Variants in GRIK4 observed in about 807,000 individuals in gnomAD.
GRIK4 encodes the protein glutamate receptor ionotropic, kainate 4.
Under a neutral mutation model 104.9 loss-of-function variants are expected in GRIK4, and 40 were observed. That is an observed-to-expected ratio of 0.38 (90% CI 0.30 to 0.50). The LOEUF is 0.50. Ranked by LOEUF, GRIK4 falls within the 20% of genes least tolerant of loss-of-function variation. GRIK4 has a pLI of 0.93. For missense variants in GRIK4, 1,047 were observed against 1,308.1 expected (o/e 0.80, Z 3.08); for synonymous variants, 485 against 524.9 (o/e 0.92, Z 1.04).
At chr11:120,538,347 A>G (rs1947999667) in intron 1 of GRIK4, among the ~76,000 whole-genome samples, 1 of 152,136 alleles carries the variant, frequency 6.6e-6, no homozygotes, top group Non-Finnish European at 1.5e-5. Context: ...CAGGGAACTC[A>G]AAAATGTCCA....
At position 120,953,053 on chromosome 11, in the gene GRIK4, G is replaced by A. The variant is rs995257624; in HGVS notation, c.1700+89G>A. ...TGGGGAGGGGGTGGGGAGGAGGAGA[G>A]GGGGAGGAGGAGTTGGGAAGATCTT... On this transcript the variant is annotated intron_variant, in intron 15 of 20. Coordinates refer to ENST00000527524, the MANE Select transcript of GRIK4 (RefSeq NM_014619.5). The surrounding 1 kb of genome is among the most constrained non-coding windows in gnomAD (Gnocchi z 4.9). 15 of 802,998 alleles carry A rather than the reference G, an allele frequency of 1.9e-5. 2 individuals carry two copies. Among genetic ancestry groups the A allele is most frequent in the South Asian group, 7.7e-5 (5 of 65,016 alleles). 49.7% of individuals were successfully genotyped at this position (802,998 alleles called of 1,614,324 possible).
At chr11:120,854,883 G>T (rs1343724957) in intron 8 of GRIK4, among the ~76,000 whole-genome samples, 2 of 152,144 alleles carry the variant, frequency 1.3e-5, no homozygotes, top group African/African-American at 2.4e-5. Flanking sequence ...TTTTTGGAAT[G>T]TGGGCTTTCA....
intron 2 of GRIK4, among the ~76,000 whole-genome samples, chr11:120,659,151 G>A (rs1002975442): frequency 2.6e-5 from 4 of 152,080 alleles, no homozygotes; most frequent in Non-Finnish European, 4.4e-5. Flanking sequence ...GCTGGCTGTC[G>A]GCAGAATCTG....
chr11:120,700,992 T>G (rs1295328394), intron 3 of GRIK4, among the ~76,000 whole-genome samples: 1 of 152,232 alleles, frequency 6.6e-6, no homozygotes, highest in Non-Finnish European at 1.5e-5. Flanking sequence ...TTCAGTACAG[T>G]TACATGCTGT....
intron 13 of GRIK4, among the ~76,000 whole-genome samples, chr11:120,909,382 A>G (rs561428939): frequency 6.6e-6 from 1 of 152,350 alleles, no homozygotes; most frequent in South Asian, 2.1e-4. Flanking sequence ...AAAGAATAAA[A>G]TTAGGCCAAT....
At chr11:120,782,781 G>A (rs1952184520) in intron 3 of GRIK4, among the ~76,000 whole-genome samples, 1 of 152,130 alleles carries the variant, frequency 6.6e-6, no homozygotes, top group Non-Finnish European at 1.5e-5. Flanking sequence ...AAGGGTCCAC[G>A]CCGGTGGTTC....
chr11:120,634,508 G>A (rs531988048), intron 1 of GRIK4, among the ~76,000 whole-genome samples: 3 of 152,116 alleles, frequency 2.0e-5, no homozygotes, highest in Non-Finnish European at 2.9e-5. Context: ...CCAGGGCCTC[G>A]CCTTGGCCTT....
intron 1 of GRIK4, among the ~76,000 whole-genome samples, chr11:120,639,402 C>T (rs1163855953): frequency 1.3e-5 from 2 of 152,120 alleles, no homozygotes; most frequent in African/African-American, 2.4e-5. Flanking sequence ...CTCTTCATCT[C>T]GCTACACACA....
At chr11:120,652,511 C>T (rs1250647454) in intron 1 of GRIK4, among the ~76,000 whole-genome samples, 2 of 152,224 alleles carry the variant, frequency 1.3e-5, no homozygotes, top group Non-Finnish European at 2.9e-5. Context: ...CATGGCCACC[C>T]CCTACCCCTG....
At position 120,571,251 on chromosome 11, in the gene GRIK4, G is replaced by A. The variant is rs534767435; in HGVS notation, c.-159+59364G>A. ...GTTTACTCCATTGTTTTGATGGAGC[G>A]TGCTCTCCAGGAGTTTTCTCAGATT... On this transcript the variant is annotated intron_variant, in intron 1 of 20. Coordinates refer to ENST00000527524, the MANE Select transcript of GRIK4 (RefSeq NM_014619.5). Among the ~76,000 whole-genome samples, 32 of 152,222 alleles carry A rather than the reference G, an allele frequency of 2.1e-4. 1 individual carries two copies. The highest frequency in any genetic ancestry group is 1.2e-3 in the South Asian group (6 of 4,812).
chr11:120,666,881 T>C (rs1344283356), intron 3 of GRIK4, among the ~76,000 whole-genome samples: 1 of 152,216 alleles, frequency 6.6e-6, no homozygotes, highest in African/African-American at 2.4e-5. Flanking sequence ...GTGAAGTCAT[T>C]TACAAAACGT....
chr11:120,879,165 T>C lies in GRIK4; in HGVS notation c.1164+3922T>C, dbSNP rs1368984334. On this transcript the variant is annotated intron_variant, in intron 11 of 20. Coordinates refer to ENST00000527524, the MANE Select transcript of GRIK4 (RefSeq NM_014619.5). The stretch of plus-strand genomic sequence containing the variant: ...GGAATTTATGCTCAGGCTTGTCCAA[T>C]GGCAAAGCCCGTGCTCTCGGATCCC... Among the ~76,000 whole-genome samples the C allele has an allele frequency of 5.3e-5, 8 of 152,314 alleles. No homozygotes were observed. The South Asian group carries it at 1.7e-3, about 32-fold the overall frequency.
At chr11:120,909,089 T>TGGGCC (rs1342068238) in intron 13 of GRIK4, among the ~76,000 whole-genome samples, 31 of 152,186 alleles carry the variant, frequency 2.0e-4, no homozygotes, top group African/African-American at 7.2e-4. Flanking sequence ...GCAGACACCA[T>TGGGCC]GGGCCGGGCC....
At chr11:120,609,201 C>T (rs1949000974) in intron 1 of GRIK4, among the ~76,000 whole-genome samples, 1 of 152,018 alleles carries the variant, frequency 6.6e-6, no homozygotes, top group South Asian at 2.1e-4. Context: ...TCCCCCAGCC[C>T]CTCCCACCTC....
chr11:120,986,327 T>G lies in GRIK4; in HGVS notation c.*67T>G. ...AGGGGAGGGGCGGGGCGGGCGCTGC[T>G]GTCAGCCGCCAGCCGGAACTTGTAC... On this transcript the variant is annotated 3_prime_UTR_variant, in exon 21 of 21. Coordinates refer to ENST00000527524, the MANE Select transcript of GRIK4 (RefSeq NM_014619.5). 1.4e-6 allele frequency: 2 copies of G among 1,412,070 alleles called. No homozygotes were observed. The highest frequency in any genetic ancestry group is 1.8e-6 in the Non-Finnish European group (2 of 1,088,646). 87.5% of individuals were successfully genotyped at this position (1,412,070 alleles called of 1,614,324 possible).
chr11:120,871,867 T>C (rs1166694514), intron 9 of GRIK4: 2 of 456,146 alleles, frequency 4.4e-6, no homozygotes, highest in Non-Finnish European at 8.8e-6. Context: ...CGGGTGAACT[T>C]GGACTGGAAC....
chr11:120,837,544 T>C (rs1208728924), intron 8 of GRIK4, among the ~76,000 whole-genome samples: 1 of 152,180 alleles, frequency 6.6e-6, no homozygotes, highest in African/African-American at 2.4e-5. Context: ...ACACATATTA[T>C]ATGCGCGTAG....
chr11:120,746,636 A>G (rs534934719), intron 3 of GRIK4, among the ~76,000 whole-genome samples: 4 of 152,200 alleles, frequency 2.6e-5, no homozygotes, highest in African/African-American at 9.6e-5. Flanking sequence ...CTGCTTACCC[A>G]AAAGGGGGAA....
At chr11:120,822,667 C>T (rs1227816903) in intron 6 of GRIK4, among the ~76,000 whole-genome samples, 1 of 152,194 alleles carries the variant, frequency 6.6e-6, no homozygotes, top group Non-Finnish European at 1.5e-5. Context: ...AAGTGTGGAA[C>T]ATTCCCATCA....
Sources: gnomAD v4.1 joint callset for allele counts (sites outside exome capture counted in the v4.1 genomes callset) on GRCh38, gnomAD v4.1.1 for gene constraint, Gnocchi (gnomAD v3.1) non-coding constraint, MANE v1.5 for transcripts, NCBI Gene and HGNC (gene_info 2026-07-23, HGNC 2026-07-21) for gene names.